The following LEMD3 variants were observed in gnomAD, a reference collection of about 807,000 sequenced individuals.
LEMD3 encodes LEM domain containing 3.
LEMD3 carries 33 observed loss-of-function variants against 95.2 expected under a neutral mutation model. The ratio of observed to expected loss-of-function variants is 0.35; its 90% CI spans 0.26 to 0.46. The LOEUF (loss-of-function observed/expected upper bound fraction) is 0.46. LEMD3 is among the 20% of genes least tolerant of loss of function. The pLI, the probability that LEMD3 is intolerant of heterozygous loss-of-function variation, is 1.00. For missense variants in LEMD3, 1,210 were observed against 1,192.8 expected (o/e 1.01, Z -0.21); for synonymous variants, 525 against 474.6 (o/e 1.11, Z -1.38).
chr12:65,224,916 C>A (rs1345266125), intron 4 of LEMD3, among the ~76,000 whole-genome samples: 3 of 152,056 alleles, frequency 2.0e-5, no homozygotes, highest in East Asian at 1.9e-4. Context: ...CTTAGACTTT[C>A]TTTACTTGTC....
chr12:65,228,385 T>TATTC (rs1870519574), intron 4 of LEMD3, among the ~76,000 whole-genome samples: 1 of 139,694 alleles, frequency 7.2e-6, no homozygotes, highest in South Asian at 2.1e-4. Flanking sequence ...TTATTGTTAT[T>TATTC]ATTTATTTAT....
chr12:65,233,675 T>C (rs1044712299), intron 4 of LEMD3, among the ~76,000 whole-genome samples: 2 of 152,292 alleles, frequency 1.3e-5, no homozygotes, highest in Non-Finnish European at 2.9e-5. Flanking sequence ...TCATAAACTA[T>C]CCATATTAGG....
intron 1 of LEMD3, among the ~76,000 whole-genome samples, chr12:65,193,403 C>T (rs903960376): frequency 2.0e-5 from 3 of 152,076 alleles, no homozygotes; most frequent in Admixed American, 2.0e-4. Context: ...TTTGTATGTG[C>T]AGTGGCCTGC....
intron 6 of LEMD3, 70 bp downstream of exon 6, chr12:65,238,884 G>C: frequency 6.7e-7 from 1 of 1,486,678 alleles, no homozygotes; most frequent in Non-Finnish European, 9.4e-7. Context: ...CTAAATGCCA[G>C]AGTTGAGAAT....
In LEMD3 at chr12:65,170,907, G is replaced by GAA; in HGVS notation, c.1315_1316dup (p.Asn439LysfsTer41). On this transcript the variant is annotated frameshift_variant, in exon 1 of 13. Transcript: ENST00000308330. LOFTEE classifies it high-confidence loss of function. ...ATACGGGCTCCAATCATACCTACCT[G>GAA]AAAAACACATACAACAAACCGAAGC... The GAA allele has an allele frequency of 6.2e-7, 1 of 1,614,192 alleles. No homozygotes were observed. Among genetic ancestry groups the GAA allele is most frequent in the Non-Finnish European group, 8.5e-7 (1 of 1,180,032 alleles).
intron 1 of LEMD3, among the ~76,000 whole-genome samples, chr12:65,179,055 T>C (rs530122476): frequency 2.0e-5 from 3 of 152,280 alleles, no homozygotes; most frequent in Admixed American, 6.5e-5. Context: ...CTATAATATA[T>C]AATACATAGA....
At chr12:65,240,676 C>T (rs1870907079) in intron 8 of LEMD3, 2 of 554,504 alleles carry the variant, frequency 3.6e-6, no homozygotes, top group Admixed American at 3.2e-5. Flanking sequence ...ACCCTAGCAA[C>T]ACATAAAGCC....
chr12:65,228,137 A>G (rs1870511025), intron 4 of LEMD3, among the ~76,000 whole-genome samples: 1 of 152,080 alleles, frequency 6.6e-6, no homozygotes, highest in Admixed American at 6.6e-5. Context: ...ACTTCTTCCA[A>G]CCATTTTCTT....
chr12:65,201,360 G>A (rs1328325581), intron 1 of LEMD3, among the ~76,000 whole-genome samples: 5 of 152,152 alleles, frequency 3.3e-5, no homozygotes, highest in Non-Finnish European at 4.4e-5. Flanking sequence ...GATTGGTATT[G>A]CATTGAATCT....
chr12:65,201,687 G>A (rs575243225), intron 1 of LEMD3, among the ~76,000 whole-genome samples: 1 of 151,980 alleles, frequency 6.6e-6, no homozygotes. Context: ...TTTTTGATCA[G>A]TTCTTTTGGA....
intron 1 of LEMD3, among the ~76,000 whole-genome samples, chr12:65,183,294 C>T (rs1050308167): frequency 1.3e-5 from 2 of 151,830 alleles, no homozygotes; most frequent in South Asian, 4.2e-4. Flanking sequence ...CTTTAGAATC[C>T]GATATGTATT....
intron 9 of LEMD3, 86 bp downstream of exon 9, chr12:65,241,173 A>G: frequency 8.7e-7 from 1 of 1,149,588 alleles, no homozygotes; most frequent in Non-Finnish European, 1.3e-6. Flanking sequence ...GTACAATTCA[A>G]AGATGTATGA....
intron 1 of LEMD3, among the ~76,000 whole-genome samples, chr12:65,192,329 C>G (rs1281809039): frequency 1.3e-5 from 2 of 152,154 alleles, no homozygotes; most frequent in Non-Finnish European, 2.9e-5. Flanking sequence ...GGTTGCTTTT[C>G]TACATGTCTA....
rs576862487 is a variant in LEMD3 at position 65,239,987 on chromosome 12, G to A, written c.1980G>A (p.Glu660=). Residue 660 remains glutamate (E), a synonymous_variant, in exon 7 of 13, where the codon GAG becomes GAA. Transcript: ENST00000308330. ...RYMKYRWTKE[E]EETRQMYDMV... is the part of the protein sequence containing the mutation. Reference sequence around the variant, plus strand: ...TGAAATATCGATGGACAAAAGAAGAGGAGGAAACAAGGCAGATGTATGATA... The same window carrying A: ...TGAAATATCGATGGACAAAAGAAGAAGAGGAAACAAGGCAGATGTATGATA... 3.7e-6 allele frequency: 6 copies of A among 1,612,460 alleles called. No individual in the cohort carries two copies. In the Admixed American group the frequency reaches 6.7e-5, roughly 18 times the overall value.
chr12:65,171,657 C>G (rs536978404), intron 1 of LEMD3: 3 of 166,902 alleles, frequency 1.8e-5, no homozygotes, highest in Admixed American at 1.7e-4. Context: ...AGCAGCAAGG[C>G]ACACCTCTTA....
intron 1 of LEMD3, among the ~76,000 whole-genome samples, chr12:65,186,514 T>G (rs1166667242): frequency 6.6e-6 from 1 of 151,890 alleles, no homozygotes; most frequent in Non-Finnish European, 1.5e-5. Flanking sequence ...GGTTAGGAAA[T>G]GAGAAACTAG....
chr12:65,188,480 A>G (rs1869135133), intron 1 of LEMD3, among the ~76,000 whole-genome samples: 2 of 152,190 alleles, frequency 1.3e-5, no homozygotes, highest in Admixed American at 6.5e-5. Context: ...GACAAAACAT[A>G]AGTGGAAAGG....
chr12:65,240,748 C>CA, intron 8 of LEMD3, 161 bp from the exon 9 acceptor site: 1 of 656,890 alleles, frequency 1.5e-6, no homozygotes, highest in Non-Finnish European at 2.6e-6. Context: ...AATTGAAACT[C>CA]AGAAAATCTG....
At chr12:65,190,769 G>C (rs1869215327) in intron 1 of LEMD3, among the ~76,000 whole-genome samples, 1 of 152,190 alleles carries the variant, frequency 6.6e-6, no homozygotes, top group South Asian at 2.1e-4. Flanking sequence ...AATTGATTGA[G>C]ACTTGTCTCA....
Sources: allele counts gnomAD v4.1 joint callset (sites outside exome capture counted in the v4.1 genomes callset), GRCh38; gene constraint gnomAD v4.1.1; transcripts MANE v1.5; gene names NCBI Gene and HGNC (gene_info 2026-07-23, HGNC 2026-07-21).